Variants in SMAD1 observed in about 807,000 individuals in gnomAD.
The protein encoded by SMAD1 is SMAD family member 1, also known as MAD, mothers against decapentaplegic homolog 1.
A neutral mutation model predicts 41.6 loss-of-function variants in SMAD1; 6 were observed. The observed-to-expected ratio is 0.14, with a 90% CI of 0.08 to 0.28. The LOEUF is 0.28. SMAD1 is among the 10% of genes least tolerant of loss of function. SMAD1 has a pLI of 1.00. For synonymous variants in SMAD1, 206 were observed against 203.2 expected (o/e 1.01, Z -0.12); for missense variants, 379 against 582.6 (o/e 0.65, Z 3.60).
intron 1 of SMAD1, among the ~76,000 whole-genome samples, chr4:145,502,662 C>A (rs1729514544): frequency 6.6e-6 from 1 of 152,178 alleles, no homozygotes; most frequent in East Asian, 1.9e-4. Context: ...ACTTGGCACA[C>A]CTAAAATAAA....
intron 2 of SMAD1, among the ~76,000 whole-genome samples, chr4:145,537,058 G>A (rs1215083357): frequency 1.3e-5 from 2 of 152,070 alleles, no homozygotes; most frequent in African/African-American, 2.4e-5. Context: ...GAAAAAAGAC[G>A]CTGAAGAACT....
At chr4:145,553,360 A>G (rs780289145) in intron 5 of SMAD1, among the ~76,000 whole-genome samples, 7 of 152,170 alleles carry the variant, frequency 4.6e-5, no homozygotes, top group East Asian at 3.9e-4. Flanking sequence ...ATGGAAGACA[A>G]TTTTTCCACA....
chr4:145,492,511 TG>T (rs1252968899), intron 1 of SMAD1, among the ~76,000 whole-genome samples: 1 of 152,256 alleles, frequency 6.6e-6, no homozygotes, highest in African/African-American at 2.4e-5. Context: ...ATGCCTAACT[TG>T]GGCGTGCCAC....
chr4:145,513,130 T>C (rs1319881426), intron 1 of SMAD1: 1 of 152,240 alleles, frequency 6.6e-6, no homozygotes, highest in Non-Finnish European at 1.5e-5. Flanking sequence ...AGTTACCTCT[T>C]TCTGCTCGGC....
chr4:145,498,226 CT>C (rs1023913740), intron 1 of SMAD1, among the ~76,000 whole-genome samples: 2 of 152,198 alleles, frequency 1.3e-5, no homozygotes, highest in African/African-American at 4.8e-5. Flanking sequence ...GGGAAACTTA[CT>C]TTTTTGCTAT....
chr4:145,513,826 T>C (rs1280174437), intron 1 of SMAD1, among the ~76,000 whole-genome samples: 1 of 152,256 alleles, frequency 6.6e-6, no homozygotes, highest in Non-Finnish European at 1.5e-5. Flanking sequence ...TTTTTAACTT[T>C]GTTGCTTTTA....
intron 2 of SMAD1, among the ~76,000 whole-genome samples, chr4:145,534,481 A>T (rs1228080103): frequency 6.6e-6 from 1 of 152,248 alleles, no homozygotes; most frequent in East Asian, 1.9e-4. Flanking sequence ...ACTGAAAAGG[A>T]AGAACTGTGA....
chr4:145,556,525 C>T (rs1243623458), intron 6 of SMAD1, among the ~76,000 whole-genome samples: 4 of 151,398 alleles, frequency 2.6e-5, no homozygotes, highest in East Asian at 1.9e-4. Flanking sequence ...GGTGTGATCT[C>T]GGCTCACTGC....
chr4:145,509,356 T>C (rs1729955161), intron 1 of SMAD1, among the ~76,000 whole-genome samples: 1 of 152,192 alleles, frequency 6.6e-6, no homozygotes, highest in South Asian at 2.1e-4. Context: ...AGCAGGTGCT[T>C]AATACAGCTT....
At chr4:145,520,749 T>C (rs1485149351) in intron 2 of SMAD1, among the ~76,000 whole-genome samples, 1 of 152,190 alleles carries the variant, frequency 6.6e-6, no homozygotes, top group African/African-American at 2.4e-5. Flanking sequence ...TTGGAATTGT[T>C]CTTTAGAGTG....
chr4:145,540,702 T>A (rs189911697), intron 3 of SMAD1, among the ~76,000 whole-genome samples: 101 of 151,970 alleles, frequency 6.6e-4, no homozygotes, highest in Non-Finnish European at 1.2e-3. Flanking sequence ...CATTATATAT[T>A]TTTAAGTTAC....
chr4:145,543,236 G>A (rs1732053624), intron 4 of SMAD1, among the ~76,000 whole-genome samples: 3 of 152,102 alleles, frequency 2.0e-5, no homozygotes, highest in Admixed American at 2.0e-4. Context: ...CAAAGTGCTG[G>A]GATTACAGGC....
chr4:145,527,124 A>G (rs1328854071), intron 2 of SMAD1, among the ~76,000 whole-genome samples: 1 of 152,132 alleles, frequency 6.6e-6, no homozygotes, highest in African/African-American at 2.4e-5. Context: ...AAAAGGAATG[A>G]TATTATTAGA....
intron 1 of SMAD1, among the ~76,000 whole-genome samples, chr4:145,504,606 C>G (rs547268828): frequency 3.9e-5 from 6 of 152,218 alleles, no homozygotes; most frequent in African/African-American, 9.6e-5. Context: ...GGTACTATTT[C>G]TCTGTTTGGA....
intron 2 of SMAD1, among the ~76,000 whole-genome samples, chr4:145,527,946 C>T (rs1731114756): frequency 1.3e-5 from 2 of 151,584 alleles, no homozygotes; most frequent in African/African-American, 2.4e-5. Context: ...CTGCAACTTC[C>T]ACCGCTCCCC....
At chr4:145,510,239 A>G (rs954294021) in intron 1 of SMAD1, among the ~76,000 whole-genome samples, 2 of 152,112 alleles carry the variant, frequency 1.3e-5, no homozygotes, top group African/African-American at 4.8e-5. Context: ...CAAAGAATCA[A>G]CTTTGATTTT....
At chr4:145,508,213 T>C (rs937570024) in intron 1 of SMAD1, among the ~76,000 whole-genome samples, 1 of 152,092 alleles carries the variant, frequency 6.6e-6, no homozygotes, top group African/African-American at 2.4e-5. Flanking sequence ...GTCCATATGA[T>C]AAGATTCTTC....
intron 1 of SMAD1, among the ~76,000 whole-genome samples, chr4:145,499,657 A>G (rs912927480): frequency 2.6e-5 from 4 of 152,150 alleles, no homozygotes; most frequent in African/African-American, 7.2e-5. Context: ...TAAGGTGTAG[A>G]TGAAACATAC....
chr4:145,489,557 T>G (rs1391038628), intron 1 of SMAD1, among the ~76,000 whole-genome samples: 2 of 152,238 alleles, frequency 1.3e-5, no homozygotes, highest in East Asian at 3.8e-4. Context: ...GTCGGAGATA[T>G]ATCCTTAAGT....
Sources: allele counts gnomAD v4.1 joint callset (sites outside exome capture counted in the v4.1 genomes callset), GRCh38; gene constraint gnomAD v4.1.1; transcripts MANE v1.5; gene names NCBI Gene and HGNC (gene_info 2026-07-23, HGNC 2026-07-21).